The following KLHL1 variants were observed in gnomAD, a reference collection of about 807,000 sequenced individuals.
The protein encoded by KLHL1 is kelch-like protein 1.
KLHL1 carries 47 observed loss-of-function variants against 77.7 expected under a neutral mutation model. The ratio of observed to expected loss-of-function variants is 0.60; its 90% CI spans 0.48 to 0.77. KLHL1 has a LOEUF of 0.77. Ranked by LOEUF, KLHL1 falls within the 30% of genes least tolerant of loss-of-function variation. The probability of loss-of-function intolerance (pLI) is 0.00; values close to 1 mark genes in which losing one functional copy is unlikely to be tolerated. For missense variants in KLHL1, 925 were observed against 910.8 expected (o/e 1.02, Z -0.20); for synonymous variants, 360 against 325.2 (o/e 1.11, Z -1.15).
At chr13:69,862,820 A>G (rs1212609970) in intron 5 of KLHL1, among the ~76,000 whole-genome samples, 2 of 152,080 alleles carry the variant, frequency 1.3e-5, no homozygotes. Context: ...CAAGCCAGGA[A>G]GAAAGCCCTC....
intron 6 of KLHL1, among the ~76,000 whole-genome samples, chr13:69,799,441 C>A (rs1877277290): frequency 6.6e-6 from 1 of 152,140 alleles, no homozygotes; most frequent in Non-Finnish European, 1.5e-5. Flanking sequence ...CTAGATAAGT[C>A]TTAAATCTCA....
At chr13:69,722,055 A>G (rs1039388206) in intron 8 of KLHL1, among the ~76,000 whole-genome samples, 1 of 152,088 alleles carries the variant, frequency 6.6e-6, no homozygotes, top group Non-Finnish European at 1.5e-5. Context: ...TTAAAATGTA[A>G]CCAAATGTAT....
chr13:69,845,468 C>T (rs3012097), intron 5 of KLHL1, among the ~76,000 whole-genome samples: 134,480 of 151,526 alleles, frequency 0.89, 60,845 homozygotes, highest in East Asian at 0.99. Flanking sequence ...TTATATTATG[C>T]AAAAAATTTA....
intron 1 of KLHL1, among the ~76,000 whole-genome samples, chr13:70,075,569 G>GTATATATATATATATA (rs1555295388): frequency 0.027 from 2,822 of 105,892 alleles, 84 homozygotes; most frequent in Admixed American, 0.039. Context: ...GTGTGTATGT[G>GTATATATATATATATA]TATATATATA....
intron 4 of KLHL1, among the ~76,000 whole-genome samples, chr13:69,938,038 A>C (rs200121001): frequency 8.9e-4 from 135 of 152,286 alleles, no homozygotes; most frequent in African/African-American, 2.8e-3. Flanking sequence ...GAGAAAAAAA[A>C]ACACACACAA....
At chr13:69,850,756 C>T (rs1308868762) in intron 5 of KLHL1, among the ~76,000 whole-genome samples, 1 of 151,678 alleles carries the variant, frequency 6.6e-6, no homozygotes, top group Non-Finnish European at 1.5e-5. Flanking sequence ...TGTACTACAA[C>T]TGAAAGTATT....
intron 2 of KLHL1, among the ~76,000 whole-genome samples, chr13:69,964,596 C>A (rs1321951658): frequency 3.3e-5 from 5 of 152,076 alleles, no homozygotes; most frequent in African/African-American, 1.2e-4. Flanking sequence ...CTCTCTGATA[C>A]ATTCTAGGAC....
chr13:69,912,537 C>CT (rs985785293), intron 4 of KLHL1, among the ~76,000 whole-genome samples: 3 of 152,130 alleles, frequency 2.0e-5, no homozygotes, highest in Non-Finnish European at 4.4e-5. Flanking sequence ...CTGAATTCTA[C>CT]TTTTTCAGTT....
chr13:70,003,376 G>A (rs183734312), intron 1 of KLHL1, among the ~76,000 whole-genome samples: 7 of 151,858 alleles, frequency 4.6e-5, no homozygotes, highest in Admixed American at 4.6e-4. Flanking sequence ...CTATAGAGAT[G>A]TGTGGAGTTT....
chr13:69,993,098 C>T (rs1885066351), intron 1 of KLHL1, among the ~76,000 whole-genome samples: 1 of 151,852 alleles, frequency 6.6e-6, no homozygotes. Context: ...ATTTTTCAAT[C>T]TTATATTGAA....
intron 1 of KLHL1, among the ~76,000 whole-genome samples, chr13:70,019,876 G>A (rs1885746864): frequency 6.6e-6 from 1 of 152,128 alleles, no homozygotes; most frequent in Admixed American, 6.6e-5. Context: ...TTTGGGAGGT[G>A]TTTAGGTCAT....
intron 1 of KLHL1, among the ~76,000 whole-genome samples, chr13:70,012,225 A>T (rs1242044419): frequency 6.6e-6 from 1 of 152,128 alleles, no homozygotes; most frequent in Non-Finnish European, 1.5e-5. Flanking sequence ...TCTGAAAACA[A>T]AAGTTTGCTC....
intron 2 of KLHL1, among the ~76,000 whole-genome samples, chr13:69,973,603 C>T (rs1017327939): frequency 6.6e-6 from 1 of 151,688 alleles, no homozygotes; most frequent in African/African-American, 2.4e-5. Flanking sequence ...TAGTTTATTA[C>T]TAATGATTAT....
intron 6 of KLHL1, among the ~76,000 whole-genome samples, chr13:69,804,191 G>A (rs772908283): frequency 4.6e-5 from 7 of 152,106 alleles, no homozygotes; most frequent in Middle Eastern, 3.4e-3. Flanking sequence ...CAAAACGAAC[G>A]GTAGACTCCT....
At chr13:69,772,773 A>G (rs1366540608) in intron 7 of KLHL1, among the ~76,000 whole-genome samples, 1 of 152,210 alleles carries the variant, frequency 6.6e-6, no homozygotes, top group African/African-American at 2.4e-5. Flanking sequence ...TTCTGAATAA[A>G]GTGCCTTAAA....
chr13:69,839,687 A>G (rs914985539), intron 5 of KLHL1, among the ~76,000 whole-genome samples: 5 of 152,012 alleles, frequency 3.3e-5, no homozygotes, highest in Non-Finnish European at 7.4e-5. Context: ...AAGGAATTTA[A>G]AAGTTGTGTA....
At chr13:70,030,376 A>G (rs568471346) in intron 1 of KLHL1, among the ~76,000 whole-genome samples, 30 of 152,246 alleles carry the variant, frequency 2.0e-4, no homozygotes, top group African/African-American at 7.0e-4. Flanking sequence ...AAAAGAACAG[A>G]AATTATAACA....
chr13:69,923,446 G>T (rs554595902), intron 4 of KLHL1, among the ~76,000 whole-genome samples: 4 of 152,016 alleles, frequency 2.6e-5, no homozygotes, highest in African/African-American at 4.8e-5. Context: ...TGAAATTGCA[G>T]GGAAAGCACA....
At chr13:69,956,940 C>T (rs942475650) in intron 3 of KLHL1, among the ~76,000 whole-genome samples, 1 of 151,602 alleles carries the variant, frequency 6.6e-6, no homozygotes, top group Admixed American at 6.6e-5. Flanking sequence ...ATCTGAAGTT[C>T]TAGACATTGC....
Sources: gnomAD v4.1 joint callset for allele counts (sites outside exome capture counted in the v4.1 genomes callset) on GRCh38, gnomAD v4.1.1 for gene constraint, MANE v1.5 for transcripts, NCBI Gene and HGNC (gene_info 2026-07-23, HGNC 2026-07-21) for gene names.